PSCA: variants seen among roughly 807,000 people sequenced by gnomAD.
PSCA encodes prostate stem cell antigen.
In PSCA, 7 loss-of-function variants were observed where a neutral mutation model predicts 7.9. That is an observed-to-expected ratio of 0.89 (90% confidence interval 0.51 to 1.67). The LOEUF (loss-of-function observed/expected upper bound fraction) is 1.67, where lower values mean the gene tolerates loss of function less well. PSCA is among the 40% of genes most tolerant of loss of function. The probability of loss-of-function intolerance (pLI) is 0.00; values close to 1 mark genes in which losing one functional copy is unlikely to be tolerated. For synonymous variants in PSCA, 61 were observed against 68.3 expected (o/e 0.89, Z 0.53); for missense variants, 151 against 147.9 (o/e 1.02, Z -0.11).
upstream of PSCA, among the ~76,000 whole-genome samples, chr8:142,675,501 A>G (rs2920284): frequency 0.44 from 66,956 of 151,882 alleles, 14,928 homozygotes; most frequent in Admixed American, 0.51. Flanking sequence ...TCCAAGCTGC[A>G]CAGCCCTCAG....
At chr8:142,680,216 C>A, upstream of PSCA, 1 of 426,278 alleles carries the variant, frequency 2.3e-6, no homozygotes, top group Non-Finnish European at 4.3e-6. Context: ...TGGCCTTGCA[C>A]TGTGAGGTGG....
intron 2 of PSCA, 49 bp downstream of exon 2, chr8:142,681,483 T>C: frequency 6.7e-7 from 1 of 1,487,112 alleles, no homozygotes; most frequent in Non-Finnish European, 9.2e-7. Context: ...GCCACTGAAC[T>C]ATTAATCTTT....
At chr8:142,677,934 T>C (rs587602940), upstream of PSCA, among the ~76,000 whole-genome samples, 24 of 152,252 alleles carry the variant, frequency 1.6e-4, no homozygotes, top group African/African-American at 5.5e-4. Context: ...GGGGCTGACC[T>C]GGAGCCCCGG....
rs1245390452 is a variant in PSCA, at chr8:142,682,494, G to A, written c.*362G>A. On this transcript the variant is annotated 3_prime_UTR_variant, in exon 3 of 3. Coordinates refer to ENST00000301258, the MANE Select transcript of PSCA (RefSeq NM_005672.5). ...CTATGACTTGAGCCAGGTCTGGTCCGTGGTGTCCCCCGCACCCAGCAGGGG... is the reference window on the plus strand; with the variant it reads ...CTATGACTTGAGCCAGGTCTGGTCCATGGTGTCCCCCGCACCCAGCAGGGG... The A allele has an allele frequency of 1.3e-5, 7 of 540,696 alleles. No individual in the cohort carries two copies. The highest frequency in any genetic ancestry group is 4.5e-5 in the Admixed American group (2 of 44,848). 33.5% of individuals were successfully genotyped at this position (540,696 alleles called of 1,614,324 possible).
rs1435978780 is a variant in PSCA, at chr8:142,682,535, G to C, written c.*403G>C. ...CCAGCAGGGGACAGGCACTCAGGAG[G>C]GCCCGGTAAAGGCTGAGATGAAGTG... On this transcript the variant is annotated 3_prime_UTR_variant, in exon 3 of 3. Transcript: ENST00000301258. 2.2e-6 allele frequency: 1 copy of C among 464,450 alleles called. No homozygotes were observed. Among genetic ancestry groups the C allele is most frequent in the Non-Finnish European group, 4.3e-6 (1 of 234,904 alleles). 28.8% of individuals were successfully genotyped at this position (464,450 alleles called of 1,614,324 possible). A position where few individuals can be genotyped will look rare whatever the true frequency, so the allele number is the denominator to read the frequency against.
At chr8:142,676,303 C>T (rs1847401204), upstream of PSCA, 1 of 152,304 alleles carries the variant, frequency 6.6e-6, no homozygotes, top group South Asian at 2.1e-4. Flanking sequence ...GGAATTTGAG[C>T]ATGCTAGAGT....
intron 1 of PSCA, chr8:142,681,104 G>A (rs910170991): frequency 7.6e-5 from 41 of 539,510 alleles, no homozygotes; most frequent in African/African-American, 7.2e-4. Context: ...TTCCTCTTCT[G>A]AAACACACGG....
Position 142,681,353 on chromosome 8 carries a change from A to C in PSCA, c.52A>C (p.Lys18Gln), listed in dbSNP as rs587741521. ...CACTGCCCTGCTGTGCTACTCCTGCAAAGCCCAGGTGAGCAACGAGGACTG... is the reference window on the plus strand; with the variant it reads ...CACTGCCCTGCTGTGCTACTCCTGCCAAGCCCAGGTGAGCAACGAGGACTG... ...PGTALLCYSC[K>Q]AQVSNEDCLQ... Residue 18 changes from lysine to glutamine, a missense_variant, in exon 2 of 3, where the codon AAA (lysine) becomes CAA (glutamine). By Grantham distance (53) the Lys-to-Gln change is moderately conservative. Coordinates refer to ENST00000301258, the MANE Select transcript of PSCA (RefSeq NM_005672.5). The C allele has an allele frequency of 2.5e-6, 4 of 1,576,614 alleles. No homozygotes were observed. The East Asian group carries it at 9.4e-5, about 37-fold the overall frequency.
chr8:142,672,461 G>C (rs1847344294), intron 1 of PSCA, among the ~76,000 whole-genome samples: 1 of 152,240 alleles, frequency 6.6e-6, no homozygotes, highest in South Asian at 2.1e-4. Flanking sequence ...GTGTTTCACA[G>C]AGGAGGCTGA....
chr8:142,682,467 A>C lies in PSCA; in HGVS notation c.*335A>C. 5 of 584,510 alleles carry C rather than the reference A, an allele frequency of 8.6e-6. No homozygotes were observed. Among genetic ancestry groups the C allele is most frequent in the East Asian group, 3.8e-5 (1 of 26,586 alleles). 36.2% of individuals were successfully genotyped at this position (584,510 alleles called of 1,614,324 possible). On this transcript the variant is annotated 3_prime_UTR_variant, in exon 3 of 3. Transcript: ENST00000301258. ...CCAGGAAGCCTTCCCTGCCCACCCC[A>C]TCTATGACTTGAGCCAGGTCTGGTC...
At chr8:142,679,019 C>T (rs587714246), upstream of PSCA, among the ~76,000 whole-genome samples, 7 of 149,442 alleles carry the variant, frequency 4.7e-5, no homozygotes, top group South Asian at 2.2e-4. Flanking sequence ...CTGCCACCAC[C>T]GCCCAGCGGG....
upstream of PSCA, chr8:142,680,091 G>A (rs1423365898): frequency 4.5e-5 from 8 of 178,006 alleles, 2 homozygotes; most frequent in Non-Finnish European, 9.6e-5. Flanking sequence ...CCTGCGGGCC[G>A]TGGGCCCCAG....
chr8:142,681,552 G>A (rs1554638362), intron 2 of PSCA, 118 bp downstream of exon 2: 8 of 832,378 alleles, frequency 9.6e-6, no homozygotes, highest in African/African-American at 3.4e-5. Flanking sequence ...GACCCGTCCC[G>A]CACCTGCACC....
At chr8:142,676,397 G>A (rs1365723252), upstream of PSCA, 1 of 152,342 alleles carries the variant, frequency 6.6e-6, no homozygotes, top group African/African-American at 2.4e-5. Context: ...CTGGATGGGG[G>A]TTCCCAAGGC....
intron 1 of PSCA, among the ~76,000 whole-genome samples, chr8:142,671,924 G>A (rs587684735): frequency 3.2e-4 from 48 of 151,996 alleles, no homozygotes; most frequent in African/African-American, 1.1e-3. Context: ...GTTCCTTACT[G>A]ACCAGGCCAT....
At chr8:142,672,427 A>T (rs1847344098) in intron 1 of PSCA, among the ~76,000 whole-genome samples, 1 of 152,188 alleles carries the variant, frequency 6.6e-6, no homozygotes. Context: ...GTGGGGCAGG[A>T]ATTTGGCCAT....
chr8:142,671,346 G>A (rs1045480131), intron 1 of PSCA, among the ~76,000 whole-genome samples: 7 of 152,208 alleles, frequency 4.6e-5, no homozygotes, highest in Admixed American at 3.3e-4. Flanking sequence ...TAGTGGCTGG[G>A]AGAGACAAGG....
chr8:142,681,409 G>C lies in PSCA; in HGVS notation c.108G>C (p.Gly36=). 2 of 1,593,410 alleles carry C rather than the reference G, an allele frequency of 1.3e-6. No individual in the cohort carries two copies. Among genetic ancestry groups the C allele is most frequent in the Non-Finnish European group, 1.7e-6 (2 of 1,170,304 alleles). The change falls in exon 2 of 3, where the codon GGG becomes GGC. Residue 36 remains glycine (G), a synonymous_variant. Coordinates refer to ENST00000301258, the MANE Select transcript of PSCA (RefSeq NM_005672.5). ...AGGTGGAGAACTGCACCCAGCTGGG[G>C]GAGCAGTGCTGGACCGCGCGCATCC... The part of the protein sequence containing the change: ...CLQVENCTQL[G]EQCWTARIRA...
In PSCA at chr8:142,682,300, T is replaced by C. The variant is rs1227368269; in HGVS notation, c.*168T>C. The C allele has an allele frequency of 2.2e-5, 19 of 857,966 alleles. No homozygotes were observed. Among genetic ancestry groups the C allele is most frequent in the Non-Finnish European group, 3.2e-5 (17 of 529,070 alleles). The allele number at this position is 857,966 out of a possible 1,614,324, so 53.1% of individuals were successfully genotyped here. ...CCTGTCCCCCACCCTGACCCTCCCA[T>C]GGCCCTCTCCAGGACTCCCACCCGG... is the stretch of plus-strand genomic sequence containing the variant. On this transcript the variant is annotated 3_prime_UTR_variant, in exon 3 of 3. Coordinates refer to ENST00000301258, the MANE Select transcript of PSCA (RefSeq NM_005672.5).
Sources: allele counts gnomAD v4.1 joint callset (sites outside exome capture counted in the v4.1 genomes callset), GRCh38; gene constraint gnomAD v4.1.1; transcripts MANE v1.5; gene names NCBI Gene and HGNC (gene_info 2026-07-23, HGNC 2026-07-21).